ZNF385D: variants seen among roughly 807,000 people sequenced by gnomAD.
ZNF385D encodes the protein zinc finger protein 385D.
A neutral mutation model predicts 35.8 loss-of-function variants in ZNF385D; 15 were observed. The ratio of observed to expected loss-of-function variants is 0.42; its 90% CI spans 0.28 to 0.64. ZNF385D has a LOEUF of 0.64. ZNF385D is among the 30% of genes least tolerant of loss of function. The probability of loss-of-function intolerance (pLI) is 0.23; values close to 1 mark genes in which losing one functional copy is unlikely to be tolerated. For synonymous variants in ZNF385D, 212 were observed against 186.8 expected, an observed-to-expected ratio of 1.13 and a Z score of -1.10; for missense variants, 474 against 494.6, an observed-to-expected ratio of 0.96 and a Z score of 0.39.
chr3:21,469,188 A>C (rs1286209889), intron 4 of ZNF385D, among the ~76,000 whole-genome samples: 2 of 152,200 alleles, frequency 1.3e-5, no homozygotes, highest in Admixed American at 6.5e-5. Context: ...TGCCTCAACA[A>C]AACAGTAAAG....
chr3:21,605,305 T>A lies in ZNF385D; in HGVS notation c.166-40621A>T, dbSNP rs563597760. Among the ~76,000 whole-genome samples, 20 of 152,280 alleles carry A rather than the reference T, an allele frequency of 1.3e-4. No homozygotes were observed. In the South Asian group the frequency reaches 3.9e-3, roughly 30 times the overall value. On this transcript the variant is annotated intron_variant, in intron 2 of 7. Transcript: ENST00000281523. ...AAGAAAGGATTTGTATTGGACTCAG[T>A]ATAAATGTTGAGCAACCCTCCTGAG...
intron 5 of ZNF385D, among the ~76,000 whole-genome samples, chr3:21,433,201 G>A (rs937911670): frequency 1.3e-5 from 2 of 152,240 alleles, no homozygotes; most frequent in African/African-American, 4.8e-5. Context: ...GCATTTAATG[G>A]AAGTTGCATT....
intron 2 of ZNF385D, among the ~76,000 whole-genome samples, chr3:22,222,194 C>G (rs1698298809): frequency 6.6e-6 from 1 of 151,912 alleles, no homozygotes; most frequent in South Asian, 2.1e-4. Context: ...CTAGGCTGGT[C>G]CTGTCCTCAA....
At chr3:22,131,057 A>G (rs115638248) in intron 3 of ZNF385D, among the ~76,000 whole-genome samples, 1,610 of 152,298 alleles carry the variant, frequency 0.011, 23 homozygotes, top group African/African-American at 0.029. Flanking sequence ...GAGAAAATCT[A>G]TAAGATAACA....
At chr3:21,968,612 T>C (rs1193942482) in intron 3 of ZNF385D, among the ~76,000 whole-genome samples, 3 of 152,126 alleles carry the variant, frequency 2.0e-5, no homozygotes, top group Admixed American at 1.3e-4. Context: ...AGACACACCC[T>C]GGGCCAGAAA....
chr3:22,354,168 T>C (rs1435690954), intron 2 of ZNF385D, among the ~76,000 whole-genome samples: 2 of 152,096 alleles, frequency 1.3e-5, no homozygotes, highest in Non-Finnish European at 2.9e-5. Context: ...ATCGCCTTGG[T>C]TTGAAAGCCA....
At chr3:21,849,605 CTTTTTTTTTTTTT>C (rs3073866) in intron 3 of ZNF385D, 2 of 108,176 alleles carry the variant, frequency 1.8e-5, no homozygotes, top group Middle Eastern at 7.7e-3. Context: ...AAACCCATTT[CTTTTTTTTTTTTT>C]TTTTTTTTTC....
chr3:22,304,493 CAAAT>C (rs1703096254), intron 2 of ZNF385D, among the ~76,000 whole-genome samples: 2 of 152,062 alleles, frequency 1.3e-5, no homozygotes, highest in African/African-American at 4.8e-5. Flanking sequence ...CATTTTAAAA[CAAAT>C]AACCATCAAA....
intron 1 of ZNF385D, among the ~76,000 whole-genome samples, chr3:21,690,841 A>T (rs2067258772): frequency 6.6e-6 from 1 of 152,158 alleles, no homozygotes; most frequent in Admixed American, 6.5e-5. Context: ...ATGCACATTA[A>T]AGTTTGGGAC....
At chr3:22,275,128 T>C (rs986627429) in intron 2 of ZNF385D, among the ~76,000 whole-genome samples, 2 of 152,140 alleles carry the variant, frequency 1.3e-5, no homozygotes, top group Admixed American at 1.3e-4. Flanking sequence ...ATGCTTCAAC[T>C]ATGTTAGGAA....
At chr3:22,224,540 C>A (rs537158461) in intron 2 of ZNF385D, among the ~76,000 whole-genome samples, 10 of 152,028 alleles carry the variant, frequency 6.6e-5, no homozygotes, top group Non-Finnish European at 1.2e-4. Flanking sequence ...AAAACTGCAG[C>A]GACTGGCAAA....
chr3:21,479,076 C>T (rs1704430045), intron 4 of ZNF385D, among the ~76,000 whole-genome samples: 1 of 150,808 alleles, frequency 6.6e-6, no homozygotes, highest in Non-Finnish European at 1.5e-5. Flanking sequence ...ACTGTGACTA[C>T]ATTATTTCAG....
chr3:21,945,320 C>T (rs1324926726), intron 3 of ZNF385D, among the ~76,000 whole-genome samples: 3 of 152,022 alleles, frequency 2.0e-5, no homozygotes, highest in Admixed American at 6.6e-5. Context: ...ATTGTCTGGT[C>T]TTCAGAAAAA....
intron 3 of ZNF385D, among the ~76,000 whole-genome samples, chr3:21,997,864 CGCGCGCGCGTGTGT>C (rs370297780): frequency 0.1 from 10,529 of 105,572 alleles, 458 homozygotes; most frequent in African/African-American, 0.14. Context: ...TTGGCGCGCG[CGCGCGCGCGTGTGT>C]GTGTGTGTGT....
At chr3:22,164,512 C>T (rs1706185210) in intron 3 of ZNF385D, among the ~76,000 whole-genome samples, 1 of 151,800 alleles carries the variant, frequency 6.6e-6, no homozygotes, top group South Asian at 2.1e-4. Context: ...CAGGCATGAG[C>T]CACCATACCC....
chr3:22,129,014 T>C (rs1049881449), intron 3 of ZNF385D, among the ~76,000 whole-genome samples: 1 of 152,164 alleles, frequency 6.6e-6, no homozygotes, highest in African/African-American at 2.4e-5. Context: ...GTTCTAAGTC[T>C]TTGGTCACTG....
chr3:22,251,523 G>C (rs1327834434), intron 2 of ZNF385D, among the ~76,000 whole-genome samples: 1 of 152,006 alleles, frequency 6.6e-6, no homozygotes, highest in Non-Finnish European at 1.5e-5. Context: ...CTTTACCTTA[G>C]ACCAGGATTT....
At chr3:22,192,300 A>T (rs960180574) in intron 2 of ZNF385D, among the ~76,000 whole-genome samples, 5 of 152,170 alleles carry the variant, frequency 3.3e-5, no homozygotes, top group African/African-American at 1.2e-4. Flanking sequence ...TTGTTTCCCC[A>T]GAACAAAGAA....
chr3:21,737,263 A>G (rs1349143498), intron 1 of ZNF385D, among the ~76,000 whole-genome samples: 2 of 152,208 alleles, frequency 1.3e-5, no homozygotes, highest in Non-Finnish European at 1.5e-5. Context: ...ACAAAGAATT[A>G]TTATGCACTA....
Sources: gnomAD v4.1 joint callset for allele counts (sites outside exome capture counted in the v4.1 genomes callset) on GRCh38, gnomAD v4.1.1 for gene constraint, MANE v1.5 for transcripts, NCBI Gene and HGNC (gene_info 2026-07-23, HGNC 2026-07-21) for gene names.